Variants in CLEC16A observed in about 807,000 individuals in gnomAD.
CLEC16A encodes C-type lectin domain containing 16A, also known as protein CLEC16A.
CLEC16A carries 51 observed loss-of-function variants against 109.5 expected under a neutral mutation model. That is an observed-to-expected ratio of 0.47 (90% CI 0.37 to 0.59). The LOEUF (loss-of-function observed/expected upper bound fraction) is 0.59. Ranked by LOEUF, CLEC16A falls within the 20% of genes least tolerant of loss-of-function variation. The probability of loss-of-function intolerance (pLI) is 0.00; values close to 1 mark genes in which losing one functional copy is unlikely to be tolerated. For synonymous variants in CLEC16A, 673 were observed against 564.2 expected, an observed-to-expected ratio of 1.19 and a Z score of -2.73; for missense variants, 1,339 against 1,394.0, an observed-to-expected ratio of 0.96 and a Z score of 0.63.
chr16:11,084,466 G>A (rs1434559159), intron 19 of CLEC16A, among the ~76,000 whole-genome samples: 2 of 152,094 alleles, frequency 1.3e-5, no homozygotes, highest in Non-Finnish European at 2.9e-5. Context: ...ATGGAAATGC[G>A]AGTGGGTTAG....
chr16:10,964,707 C>G (rs77599345), intron 3 of CLEC16A, among the ~76,000 whole-genome samples: 15,359 of 152,128 alleles, frequency 0.1, 731 homozygotes, highest in East Asian at 0.12. Flanking sequence ...AAACTTACGG[C>G]TTTTAGAGTG....
intron 2 of CLEC16A, 122 bp from the exon 3 acceptor site, chr16:10,962,333 C>A: frequency 8.8e-7 from 1 of 1,130,278 alleles, no homozygotes; most frequent in Non-Finnish European, 1.3e-6. Context: ...GTGGCATGAC[C>A]TGTGCAGATA....
At chr16:11,064,653 T>C (rs2048667674) in intron 19 of CLEC16A, among the ~76,000 whole-genome samples, 1 of 152,180 alleles carries the variant, frequency 6.6e-6, no homozygotes, top group Non-Finnish European at 1.5e-5. Flanking sequence ...GGCAGATACC[T>C]GTAGTCCCAG....
chr16:11,028,016 C>T (rs780226963), intron 13 of CLEC16A, among the ~76,000 whole-genome samples: 7 of 152,200 alleles, frequency 4.6e-5, no homozygotes, highest in Admixed American at 1.3e-4. Context: ...GCCTGACCAA[C>T]ATGGAGAAAT....
At chr16:11,125,056 T>A (rs2052705957) in intron 21 of CLEC16A, among the ~76,000 whole-genome samples, 1 of 152,102 alleles carries the variant, frequency 6.6e-6, no homozygotes, top group African/African-American at 2.4e-5. Context: ...ACCACTGCAC[T>A]CCATCTTAGG....
At chr16:10,950,504 C>CACAT (rs1440053999) in intron 1 of CLEC16A, among the ~76,000 whole-genome samples, 1 of 152,234 alleles carries the variant, frequency 6.6e-6, no homozygotes, top group Non-Finnish European at 1.5e-5. Context: ...CTATACCCTA[C>CACAT]ACATCCCCGG....
chr16:11,073,435 C>T (rs1298004267), intron 19 of CLEC16A, among the ~76,000 whole-genome samples: 6 of 152,156 alleles, frequency 3.9e-5, no homozygotes, highest in African/African-American at 1.4e-4. Flanking sequence ...CTCCCCTGCC[C>T]AGTATCTCCC....
At position 11,043,545 on chromosome 16, in the gene CLEC16A, T is replaced by G. The variant is rs921590174; in HGVS notation, c.1771-483T>G. On this transcript the variant is annotated intron_variant, in intron 15 of 23. Coordinates refer to ENST00000409790, the MANE Select transcript of CLEC16A (RefSeq NM_015226.3). Reference sequence around the variant, plus strand: ...TTCCCCATTTTCATTTTGAGCTCTGTCTCCTTTCCTCTCTCTCTCATTAAG... The same window carrying G: ...TTCCCCATTTTCATTTTGAGCTCTGGCTCCTTTCCTCTCTCTCTCATTAAG... 4.6e-5 allele frequency among the ~76,000 whole-genome samples: 7 copies of G among 152,154 alleles called. 1 individual carries two copies. The East Asian group carries it at 1.3e-3, about 29-fold the overall frequency.
intron 1 of CLEC16A, among the ~76,000 whole-genome samples, chr16:10,950,317 G>A (rs1024017459): frequency 4.6e-5 from 7 of 152,220 alleles, no homozygotes; most frequent in African/African-American, 1.7e-4. Context: ...GTGGCAGATA[G>A]TAAGCAATCA....
intron 22 of CLEC16A, chr16:11,157,245 G>A: frequency 8.3e-7 from 1 of 1,202,114 alleles, no homozygotes; most frequent in East Asian, 6.0e-5. Context: ...AGCCTAGTCA[G>A]TGATCAGTGA....
At chr16:11,121,181 T>G (rs776137231) in intron 20 of CLEC16A, among the ~76,000 whole-genome samples, 2 of 152,226 alleles carry the variant, frequency 1.3e-5, no homozygotes, top group Non-Finnish European at 2.9e-5. Context: ...TCATTCAATA[T>G]CAATAGTGTG....
At chr16:11,028,119 A>G (rs1468427606) in intron 13 of CLEC16A, among the ~76,000 whole-genome samples, 1 of 152,198 alleles carries the variant, frequency 6.6e-6, no homozygotes, top group Non-Finnish European at 1.5e-5. Context: ...AGAATCGCTC[A>G]AACGTGGGAG....
chr16:11,089,603 G>T (rs2050193675), intron 19 of CLEC16A, among the ~76,000 whole-genome samples: 1 of 151,630 alleles, frequency 6.6e-6, no homozygotes, highest in African/African-American at 2.4e-5. Context: ...GCCCCTGTTG[G>T]TCTTTGTCAT....
At chr16:11,056,370 A>G (rs1354650203) in intron 18 of CLEC16A, among the ~76,000 whole-genome samples, 1 of 152,236 alleles carries the variant, frequency 6.6e-6, no homozygotes, top group East Asian at 1.9e-4. Flanking sequence ...GTAAGTGCTC[A>G]GGAAGCATTG....
At chr16:11,141,191 G>A (rs1247158753) in intron 22 of CLEC16A, among the ~76,000 whole-genome samples, 1 of 152,228 alleles carries the variant, frequency 6.6e-6, no homozygotes, top group Non-Finnish European at 1.5e-5. Flanking sequence ...TCTAGCCAGT[G>A]CTTTTGGGCT....
intron 19 of CLEC16A, among the ~76,000 whole-genome samples, chr16:11,099,066 A>G (rs1245122036): frequency 4.6e-5 from 7 of 151,970 alleles, no homozygotes; most frequent in Admixed American, 4.6e-4. Flanking sequence ...CGTGGCGGCT[A>G]AGGTGAGGCA....
chr16:11,009,571 G>C (rs1313926745), intron 11 of CLEC16A, among the ~76,000 whole-genome samples: 1 of 152,312 alleles, frequency 6.6e-6, no homozygotes, highest in South Asian at 2.1e-4. Flanking sequence ...AGCTCCTAGA[G>C]GCGGGAAACT....
At chr16:11,158,873 T>A (rs2054622153) in intron 22 of CLEC16A, among the ~76,000 whole-genome samples, 1 of 149,404 alleles carries the variant, frequency 6.7e-6, no homozygotes, top group Non-Finnish European at 1.5e-5. Flanking sequence ...GGAGCCAAGA[T>A]CATGCCACTG....
chr16:10,970,476 CAG>C (rs1241696574), intron 4 of CLEC16A, among the ~76,000 whole-genome samples: 2 of 152,286 alleles, frequency 1.3e-5, no homozygotes, highest in East Asian at 3.9e-4. Flanking sequence ...GATGTAGAAA[CAG>C]AGGTTTAGAA....
Sources: gnomAD v4.1 joint callset for allele counts (sites outside exome capture counted in the v4.1 genomes callset) on GRCh38, gnomAD v4.1.1 for gene constraint, MANE v1.5 for transcripts, NCBI Gene and HGNC (gene_info 2026-07-23, HGNC 2026-07-21) for gene names.